The following CACHD1 variants were observed in gnomAD, a reference collection of about 807,000 sequenced individuals.
CACHD1 encodes the protein cache domain containing 1, also known as VWFA and cache domain-containing protein 1.
In CACHD1, 71 loss-of-function variants were observed where a neutral mutation model predicts 138.7. That is an observed-to-expected ratio of 0.51 (90% CI 0.42 to 0.62). CACHD1 has a LOEUF of 0.62. Ranked by LOEUF, CACHD1 falls within the 20% of genes least tolerant of loss-of-function variation. The pLI, the probability that CACHD1 is intolerant of heterozygous loss-of-function variation, is 0.00. For synonymous variants in CACHD1, 578 were observed against 591.5 expected (o/e 0.98, Z 0.33); for missense variants, 1,389 against 1,625.3 (o/e 0.85, Z 2.50).
At chr1:64,490,083 C>T (rs1646266021) in intron 1 of CACHD1, among the ~76,000 whole-genome samples, 1 of 152,210 alleles carries the variant, frequency 6.6e-6, no homozygotes, top group African/African-American at 2.4e-5. Flanking sequence ...GTACAAATAG[C>T]TCCATCTCAG....
chr1:64,661,282 CAAAG>C (rs901146907), intron 13 of CACHD1, among the ~76,000 whole-genome samples: 1 of 151,918 alleles, frequency 6.6e-6, no homozygotes, highest in African/African-American at 2.4e-5. Flanking sequence ...CACAAAGAGA[CAAAG>C]AAAAAATTTT....
At chr1:64,500,125 G>T (rs1158724711) in intron 1 of CACHD1, among the ~76,000 whole-genome samples, 2 of 152,232 alleles carry the variant, frequency 1.3e-5, no homozygotes, top group Admixed American at 1.3e-4. Context: ...GGGCAAGAGA[G>T]GCATGGAGAG....
At chr1:64,496,863 CA>C (rs35934967) in intron 1 of CACHD1, among the ~76,000 whole-genome samples, 1,096 of 85,252 alleles carry the variant, frequency 0.013, 9 homozygotes, top group African/African-American at 0.028. Context: ...GAAGTTGTCT[CA>C]AAAAAAAAAA....
In CACHD1 at chr1:64,663,788, C is replaced by G; in HGVS notation, c.2045C>G (p.Thr682Ser). The change falls in exon 14 of 27, where the codon ACC becomes AGC. Residue 682 changes from threonine (T) to serine (S), a missense_variant. Around this residue, in one of 5 missense-constraint regions of CACHD1, gnomAD observed 1,000 missense variants for 1,114.7 expected, o/e 0.90. Coordinates refer to ENST00000651257, the MANE Select transcript of CACHD1 (RefSeq NM_020925.4). ...PETKRMVEHY[T>S]AYLSDNTRLI... ...ACAAAGCGCATGGTAGAGCACTACA[C>G]CGCCTATCTCAGCGACAACACCCGC... 9 of 1,614,144 alleles carry G rather than the reference C, an allele frequency of 5.6e-6. No homozygotes were observed. The highest frequency in any genetic ancestry group is 7.6e-6 in the Non-Finnish European group (9 of 1,180,010).
chr1:64,649,363 T>A (rs933305995), intron 9 of CACHD1, among the ~76,000 whole-genome samples: 5 of 152,320 alleles, frequency 3.3e-5, no homozygotes, highest in Middle Eastern at 3.4e-3. Flanking sequence ...TTGCTTTTTT[T>A]AATCACTCCT....
Position 64,573,036 on chromosome 1 carries a change from C to T in CACHD1, c.262-9120C>T, listed in dbSNP as rs540015367. Among the ~76,000 whole-genome samples the T allele has an allele frequency of 1.6e-4, 24 of 152,272 alleles. No individual in the cohort carries two copies. The South Asian group carries it at 1.9e-3, about 12-fold the overall frequency. On this transcript the variant is annotated intron_variant, in intron 2 of 26. Transcript: ENST00000651257. ...GTGATGAGCAGCCATATCATGACAG[C>T]GGCCAGTTGCTATCAGTATACCTTT...
chr1:64,640,582 G>A (rs1648674019), intron 7 of CACHD1, among the ~76,000 whole-genome samples: 1 of 151,890 alleles, frequency 6.6e-6, no homozygotes, highest in African/African-American at 2.4e-5. Context: ...TCTGAGGCAT[G>A]AGAATCGCTT....
Position 64,647,888 on chromosome 1 carries a change from C to T in CACHD1, c.1244C>T (p.Ala415Val), listed in dbSNP as rs765601391. 1.2e-6 allele frequency: 2 copies of T among 1,613,942 alleles called. No homozygotes were observed. Among genetic ancestry groups the T allele is most frequent in the Non-Finnish European group, 8.5e-7 (1 of 1,179,992 alleles). Residue 415 changes from alanine to valine, a missense_variant, in exon 9 of 27, where the codon GCC (alanine) becomes GTC (valine). Around this residue, in one of 5 missense-constraint regions of CACHD1, gnomAD observed 1,000 missense variants for 1,114.7 expected, o/e 0.90. Transcript: ENST00000651257. ...SGKYGVPDRM[A>V]LPVIKGSMMV... is the part of the protein sequence containing the mutation. Reference sequence around the variant, plus strand: ...AAGTACGGTGTGCCAGACCGGATGGCCTTGCCTGTGATTAAGGGCAGCATG... The same window carrying T: ...AAGTACGGTGTGCCAGACCGGATGGTCTTGCCTGTGATTAAGGGCAGCATG...
intron 25 of CACHD1, among the ~76,000 whole-genome samples, chr1:64,681,541 G>GTTTT (rs57993424): frequency 1.6e-4 from 11 of 68,136 alleles, no homozygotes; most frequent in Non-Finnish European, 2.7e-4. Flanking sequence ...ATTTTATTGT[G>GTTTT]TTTTTTTTTT....
chr1:64,576,771 A>G (rs1186461628), intron 2 of CACHD1, among the ~76,000 whole-genome samples: 2 of 152,256 alleles, frequency 1.3e-5, no homozygotes, highest in African/African-American at 4.8e-5. Flanking sequence ...AAAAGGAACA[A>G]TACTAGCACT....
chr1:64,605,903 C>T (rs1647321636), intron 4 of CACHD1, among the ~76,000 whole-genome samples: 1 of 152,060 alleles, frequency 6.6e-6, no homozygotes, highest in Admixed American at 6.6e-5. Context: ...TTAGCTTTTG[C>T]TCTGAATGAG....
At chr1:64,588,577 T>A (rs1647071491) in intron 3 of CACHD1, among the ~76,000 whole-genome samples, 1 of 152,066 alleles carries the variant, frequency 6.6e-6, no homozygotes, top group Non-Finnish European at 1.5e-5. Flanking sequence ...GCGGTTTCAC[T>A]GTGTTGGCCA....
Position 64,550,636 on chromosome 1 carries a change from G to T in CACHD1, c.241G>T (p.Gly81Ter), listed in dbSNP as rs781176796. The T allele has an allele frequency of 6.2e-7, 1 of 1,611,374 alleles. No homozygotes were observed. The highest frequency in any genetic ancestry group is 1.1e-5 in the South Asian group (1 of 90,996). The change falls in exon 2 of 27, where the codon GGA becomes TGA. Residue 81 changes from glycine (G) to a stop codon, truncating the protein, a stop_gained. Transcript: ENST00000651257. LOFTEE classifies it high-confidence loss of function. ...SFVYTEKISN[G>*]ESEVQQLAKK... ...TGTTTACACTGAGAAAATCTCAAAT[G>T]GAGAAAGTGAAGTACAGCAGGTAAG...
chr1:64,683,445 C>T (rs1023751154), intron 26 of CACHD1, among the ~76,000 whole-genome samples: 1 of 152,192 alleles, frequency 6.6e-6, no homozygotes, highest in Non-Finnish European at 1.5e-5. Context: ...AATACTGAAT[C>T]CTTTTCTCTC....
chr1:64,543,222 T>G (rs1385891110), intron 1 of CACHD1, among the ~76,000 whole-genome samples: 1 of 151,498 alleles, frequency 6.6e-6, no homozygotes, highest in Admixed American at 6.6e-5. Flanking sequence ...ACTATTTTCT[T>G]GAACCACCTG....
Position 64,663,741 on chromosome 1 carries a change from T to C in CACHD1, c.1998T>C (p.Tyr666=). The change falls in exon 14 of 27, where the codon TAT becomes TAC. Residue 666 remains tyrosine (Y), a synonymous_variant. Coordinates refer to ENST00000651257, the MANE Select transcript of CACHD1 (RefSeq NM_020925.4). Reference sequence around the variant, plus strand: ...CTGCTGGCAGCTTTTCCTCCCCCTATGAGCACCTCAGCCAGCCAGAGACAA... The same window carrying C: ...CTGCTGGCAGCTTTTCCTCCCCCTACGAGCACCTCAGCCAGCCAGAGACAA... The part of the protein sequence containing the change: ...MLSAGSFSSP[Y]EHLSQPETKR... 1 of 1,614,006 alleles carries C rather than the reference T, an allele frequency of 6.2e-7. No homozygotes were observed. Among genetic ancestry groups the C allele is most frequent in the Non-Finnish European group, 8.5e-7 (1 of 1,179,978 alleles).
chr1:64,691,472 C>T lies in CACHD1; in HGVS notation c.3736C>T (p.His1246Tyr). 1 of 1,614,106 alleles carries T rather than the reference C, an allele frequency of 6.2e-7. No homozygotes were observed. Among genetic ancestry groups the T allele is most frequent in the Non-Finnish European group, 8.5e-7 (1 of 1,180,010 alleles). ...QTAALLSHKF[H>Y]HYRSHHPTLH... ...TGCTGCCCTACTAAGTCACAAGTTC[C>T]ACCACTACCGGTCACACCACCCTAC... is the stretch of plus-strand genomic sequence containing the variant. The change falls in exon 27 of 27, where the codon CAC (histidine) becomes TAC (tyrosine). Residue 1246 changes from histidine (H) to tyrosine (Y), a missense_variant. This residue lies in a region of CACHD1 where 78 missense variants were observed against 76.9 expected (regional missense o/e 1.01). Transcript: ENST00000651257.
In CACHD1 at chr1:64,582,292, C is replaced by T; in HGVS notation, c.398C>T (p.Pro133Leu). 1 of 1,613,558 alleles carries T rather than the reference C, an allele frequency of 6.2e-7. No homozygotes were observed. Among genetic ancestry groups the T allele is most frequent in the Non-Finnish European group, 8.5e-7 (1 of 1,179,622 alleles). The change falls in exon 3 of 27, where the codon CCT (proline) becomes CTT (leucine). Residue 133 changes from proline to leucine, a missense_variant. Around this residue, in one of 5 missense-constraint regions of CACHD1, gnomAD observed 1,000 missense variants for 1,114.7 expected, o/e 0.90. Coordinates refer to ENST00000651257, the MANE Select transcript of CACHD1 (RefSeq NM_020925.4). ...ATTCAAGACTGCTGTACTATCCCACCTTCCATGATGGAGTAAGACTTTAAA... is the reference window on the plus strand; with the variant it reads ...ATTCAAGACTGCTGTACTATCCCACTTTCCATGATGGAGTAAGACTTTAAA... ...TAIQDCCTIP[P>L]SMMEFDGNFN...
chr1:64,573,895 CAT>C lies in CACHD1; in HGVS notation c.262-8259_262-8258del, dbSNP rs533143912. On this transcript the variant is annotated intron_variant, in intron 2 of 26. Transcript: ENST00000651257. The stretch of plus-strand genomic sequence containing the variant: ...GTCACATGTCACACAGTGCCCTAAA[CAT>C]AATCAGCAATCAATTAGTTCTAATT... Among the ~76,000 whole-genome samples the C allele has an allele frequency of 1.3e-3, 196 of 152,280 alleles. 1 individual carries two copies. The highest frequency in any genetic ancestry group is 4.6e-3 in the African/African-American group (192 of 41,542).
Sources: allele counts gnomAD v4.1 joint callset (sites outside exome capture counted in the v4.1 genomes callset), GRCh38; gene constraint gnomAD v4.1.1; regional missense constraint gnomAD v4.1.1; transcripts MANE v1.5; gene names NCBI Gene and HGNC (gene_info 2026-07-23, HGNC 2026-07-21).